Variants in JPH2 observed in about 807,000 individuals in gnomAD.
JPH2 encodes the protein junctophilin 2.
Under a neutral mutation model 55.9 loss-of-function variants are expected in JPH2, and 38 were observed. That is an observed-to-expected ratio of 0.68 (90% confidence interval 0.52 to 0.89). The LOEUF (loss-of-function observed/expected upper bound fraction) is 0.89. JPH2 is among the 40% of genes least tolerant of loss of function. JPH2 has a pLI of 0.00. For synonymous variants in JPH2, 480 were observed against 472.4 expected, an observed-to-expected ratio of 1.02 and a Z score of -0.21; for missense variants, 964 against 1,037.6, an observed-to-expected ratio of 0.93 and a Z score of 0.97.
At position 44,159,862 on chromosome 20, in the gene JPH2, AGCGTTCGCTCAC is replaced by A; in HGVS notation, c.913_924del (p.Val305_Arg308del). 1 of 1,611,980 alleles carries A rather than the reference AGCGTTCGCTCAC, an allele frequency of 6.2e-7. No homozygotes were observed. The highest frequency in any genetic ancestry group is 8.5e-7 in the Non-Finnish European group (1 of 1,179,718). ...TCGCCCTCGTAGCGGAGGCCACTGG[AGCGTTCGCTCAC>A]GCCGAAGCCCGAGCGTTTGTCGTTC... is the stretch of plus-strand genomic sequence containing the variant. On this transcript the variant is annotated inframe_deletion, in exon 2 of 6. Transcript: ENST00000372980. The surrounding 1 kb of genome is among the most constrained non-coding windows in gnomAD (Gnocchi z 5.7).
rs149914909 is a variant in JPH2 at position 44,158,310 on chromosome 20, G to A, written c.1169+1308C>T. 4.1e-3 allele frequency among the ~76,000 whole-genome samples: 630 copies of A among 152,286 alleles called. 6 individuals carry two copies. The highest frequency in any genetic ancestry group is 0.023 in the South Asian group (110 of 4,822). ...AAGCTCTGTGGCAGGAGGAACTAAA[G>A]AAGGAAGAACTAGCACAGAGGGAAG... On this transcript the variant is annotated intron_variant, in intron 2 of 5. Transcript: ENST00000372980.
rs1383130666 is a variant in JPH2, at chr20:44,134,325, A to ATATATGTAATAAATATTTATT, written c.1170-15703_1170-15702insAATAAATATTTATTACATATA. ...TAATAAATATTTATTATAAATATATAATAAATATATAATAAATATTTATTA... is the reference window on the plus strand; with the variant it reads ...TAATAAATATTTATTATAAATATATATATATGTAATAAATATTTATTATAAATATATAATAAATATTTATTA... On this transcript the variant is annotated intron_variant, in intron 2 of 5. Coordinates refer to ENST00000372980, the MANE Select transcript of JPH2 (RefSeq NM_020433.5). 7.4e-4 allele frequency among the ~76,000 whole-genome samples: 2 copies of ATATATGTAATAAATATTTATT among 2,720 alleles called. 1 individual carries two copies. Among genetic ancestry groups the ATATATGTAATAAATATTTATT allele is most frequent in the African/African-American group, 7.4e-3 (2 of 272 alleles). The allele number at this position is 2,720 out of a possible 152,430, so 1.8% of individuals were successfully genotyped here. A position where few individuals can be genotyped will look rare whatever the true frequency, so the allele number is the denominator to read the frequency against.
Position 44,116,269 on chromosome 20 carries a change from C to G in JPH2, c.1406G>C (p.Ser469Thr). 2 of 1,526,806 alleles carry G rather than the reference C, an allele frequency of 1.3e-6. No homozygotes were observed. The highest frequency in any genetic ancestry group is 1.8e-6 in the Non-Finnish European group (2 of 1,141,078). The allele number at this position is 1,526,806 out of a possible 1,614,324, so 94.6% of individuals were successfully genotyped here. A position where few individuals can be genotyped will look rare whatever the true frequency, so the allele number is the denominator to read the frequency against. ...AAGLPQPPRE[S>T]PQLHERETPR... ...GGTCTCACGCTCGTGCAGCTGCGGG[C>G]TCTCGCGGGGCGGCTGTGGGAGGCC... The change falls in exon 4 of 6, where the codon AGC (serine) becomes ACC (threonine). Residue 469 changes from serine to threonine, a missense_variant. Transcript: ENST00000372980.
At chr20:44,167,306 A>C (rs532528903) in intron 1 of JPH2, among the ~76,000 whole-genome samples, 4 of 152,332 alleles carry the variant, frequency 2.6e-5, no homozygotes, top group African/African-American at 7.2e-5. Flanking sequence ...TATTCTTGCT[A>C]AGATGCTAAG....
intron 2 of JPH2, among the ~76,000 whole-genome samples, chr20:44,152,058 C>T (rs2145872867): frequency 6.6e-6 from 1 of 152,316 alleles, no homozygotes; most frequent in East Asian, 1.9e-4. Context: ...ACCAACTGTC[C>T]AATCCCTGCA....
chr20:44,114,565 AGT>A lies in JPH2; in HGVS notation c.*14+215_*14+216del, dbSNP rs3037626. 0.13 allele frequency among the ~76,000 whole-genome samples: 18,620 copies of A among 141,514 alleles called. 1,180 individuals are homozygous for A. The highest frequency in any genetic ancestry group is 0.2 in the Middle Eastern group (53 of 266). 92.8% of individuals were successfully genotyped at this position (141,514 alleles called of 152,430 possible). A position where few individuals can be genotyped will look rare whatever the true frequency, so the allele number is the denominator to read the frequency against. On this transcript the variant is annotated intron_variant, in intron 5 of 5. Coordinates refer to ENST00000372980, the MANE Select transcript of JPH2 (RefSeq NM_020433.5). ...CTGCAAACACTAAGCTAATGAAGTA[AGT>A]GTGTGTGTGTGTGTGTGTGTGTGTG... is the stretch of plus-strand genomic sequence containing the variant.
At chr20:44,177,181 C>A (rs776303002) in intron 1 of JPH2, 1 of 985,520 alleles carries the variant, frequency 1.0e-6, no homozygotes, top group Non-Finnish European at 1.2e-6. Context: ...GGCTTCAGCT[C>A]GGGAAGGGAT....
chr20:44,129,613 C>T (rs1054777883), intron 2 of JPH2, among the ~76,000 whole-genome samples: 1 of 151,218 alleles, frequency 6.6e-6, no homozygotes. Flanking sequence ...GCTAACTATG[C>T]GCCAGACACT....
chr20:44,161,285 C>G lies in JPH2; in HGVS notation c.380-878G>C, dbSNP rs1011548293. ...ATCAGTGAAACCGAGACACTGAGAC[C>G]GTATGAAACCATATGGAGGAAGGCT... On this transcript the variant is annotated intron_variant, in intron 1 of 5. Coordinates refer to ENST00000372980, the MANE Select transcript of JPH2 (RefSeq NM_020433.5). Among the ~76,000 whole-genome samples the G allele has an allele frequency of 5.9e-5, 9 of 152,188 alleles. No individual in the cohort carries two copies. In the South Asian group the frequency reaches 1.9e-3, roughly 32 times the overall value.
intron 1 of JPH2, among the ~76,000 whole-genome samples, chr20:44,174,200 G>A (rs2072717617): frequency 6.6e-6 from 1 of 152,186 alleles, no homozygotes; most frequent in South Asian, 2.1e-4. Flanking sequence ...TAGGCTCAGA[G>A]AGGTAGAGGG....
In JPH2 at chr20:44,108,807, G is replaced by T; in HGVS notation, c.*4711C>A. 6.6e-6 allele frequency among the ~76,000 whole-genome samples: 1 copy of T among 152,102 alleles called. No homozygotes were observed. Among genetic ancestry groups the T allele is most frequent in the East Asian group, 1.9e-4 (1 of 5,190 alleles). On this transcript the variant is annotated 3_prime_UTR_variant, in exon 6 of 6. Transcript: ENST00000372980. The stretch of plus-strand genomic sequence containing the variant: ...TGGACAAAATATGACTCCCCGCTCA[G>T]TCCAGGCTCTGTCACTGACTTGCTG...
chr20:44,114,822 T>G lies in JPH2; in HGVS notation c.2065A>C (p.Ile689Leu). The stretch of plus-strand genomic sequence containing the variant: ...CAGGTCAGGAGGTGAACAAAGAGGA[T>G]GGCCAGGCCGATGTTCAGCAGGATC... ...MVILLNIGLA[I>L]LFVHLLT Residue 689 changes from isoleucine (I) to leucine (L), a missense_variant, in exon 5 of 6, where the codon ATC becomes CTC. Transcript: ENST00000372980. 6.2e-7 allele frequency: 1 copy of G among 1,607,344 alleles called. No homozygotes were observed.
At chr20:44,180,002 C>G (rs532463500) in intron 1 of JPH2, among the ~76,000 whole-genome samples, 1 of 152,290 alleles carries the variant, frequency 6.6e-6, no homozygotes, top group African/African-American at 2.4e-5. Flanking sequence ...GGGGGATCAC[C>G]TGAGGTCAGG....
At position 44,106,671 on chromosome 20, in the gene JPH2, G is replaced by C. The variant is rs1600824261; in HGVS notation, c.*6847C>G. Among the ~76,000 whole-genome samples, 1 of 152,274 alleles carries C rather than the reference G, an allele frequency of 6.6e-6. No homozygotes were observed. Among genetic ancestry groups the C allele is most frequent in the South Asian group, 2.1e-4 (1 of 4,822 alleles). On this transcript the variant is annotated 3_prime_UTR_variant, in exon 6 of 6. Transcript: ENST00000372980. ...CAATCATGGTGGAAGACAAGGAGGAGCAAGTCACATCTTACTAGATGGCAG... is the reference window on the plus strand; with the variant it reads ...CAATCATGGTGGAAGACAAGGAGGACCAAGTCACATCTTACTAGATGGCAG...
intron 2 of JPH2, among the ~76,000 whole-genome samples, chr20:44,120,334 C>T (rs948970818): frequency 6.6e-6 from 1 of 152,162 alleles, no homozygotes; most frequent in African/African-American, 2.4e-5. Flanking sequence ...TTTAAATATT[C>T]ATTGTCTTAA....
At chr20:44,146,112 C>A (rs1202517042) in intron 2 of JPH2, among the ~76,000 whole-genome samples, 2 of 151,514 alleles carry the variant, frequency 1.3e-5, no homozygotes, top group Admixed American at 6.6e-5. Flanking sequence ...CGGCTCACTG[C>A]AAGCTCCGCC....
At chr20:44,128,697 T>G (rs2072294217) in intron 2 of JPH2, among the ~76,000 whole-genome samples, 1 of 150,302 alleles carries the variant, frequency 6.7e-6, no homozygotes, top group Admixed American at 6.6e-5. Context: ...TAACATTTTT[T>G]TTTTAAAGAT....
chr20:44,166,380 C>T lies in JPH2; in HGVS notation c.380-5973G>A, dbSNP rs149971108. On this transcript the variant is annotated intron_variant, in intron 1 of 5. Transcript: ENST00000372980. ...TTTAAAAATGAAAGGGAAAAGTGAA[C>T]AGGCAGAGAGCAGAGAAGATGGTAA... Among the ~76,000 whole-genome samples the T allele has an allele frequency of 1.2e-3, 186 of 152,318 alleles. 1 individual carries two copies. Among genetic ancestry groups the T allele is most frequent in the African/African-American group, 4.0e-3 (165 of 41,556 alleles).
intron 5 of JPH2, among the ~76,000 whole-genome samples, 157 bp from the exon 6 acceptor site, chr20:44,113,660 C>T (rs1170791397): frequency 1.3e-5 from 2 of 152,194 alleles, no homozygotes; most frequent in African/African-American, 2.4e-5. Flanking sequence ...TTCTGATACT[C>T]GGCAGGTCAC....
Sources: allele counts gnomAD v4.1 joint callset (sites outside exome capture counted in the v4.1 genomes callset), GRCh38; gene constraint gnomAD v4.1.1; non-coding constraint Gnocchi (gnomAD v3.1); transcripts MANE v1.5; gene names NCBI Gene and HGNC (gene_info 2026-07-23, HGNC 2026-07-21).